ZHX3: variants seen among roughly 807,000 people sequenced by gnomAD.
ZHX3 encodes the protein zinc fingers and homeoboxes 3.
A neutral mutation model predicts 64.5 loss-of-function variants in ZHX3; 20 were observed. That is an observed-to-expected ratio of 0.31 (90% CI 0.22 to 0.45). The LOEUF is 0.45. Ranked by LOEUF, ZHX3 falls within the 20% of genes least tolerant of loss-of-function variation. The probability of loss-of-function intolerance (pLI) is 1.00; values close to 1 mark genes in which losing one functional copy is unlikely to be tolerated. For synonymous variants in ZHX3, 423 were observed against 461.6 expected, an observed-to-expected ratio of 0.92 and a Z score of 1.07; for missense variants, 1,041 against 1,195.8, an observed-to-expected ratio of 0.87 and a Z score of 1.91.
intron 1 of ZHX3, chr20:41,272,125 G>A (rs1430338523): frequency 6.6e-6 from 1 of 152,096 alleles, no homozygotes; most frequent in African/African-American, 2.4e-5. Context: ...ACCCACTCAA[G>A]GTAGAAGCTT....
chr20:41,272,863 C>T (rs1292060380), intron 1 of ZHX3, among the ~76,000 whole-genome samples: 1 of 152,080 alleles, frequency 6.6e-6, no homozygotes, highest in Non-Finnish European at 1.5e-5. Context: ...TTGTCTGATA[C>T]TTGTTTTCAA....
rs142401989 is a variant in ZHX3, at chr20:41,264,881, C to T, written c.-151+4109G>A. On this transcript the variant is annotated intron_variant, in intron 2 of 3. Coordinates refer to ENST00000683867, the MANE Select transcript of ZHX3 (RefSeq NM_001384317.1). ...AACATTCATTTGTTAAAATCTAACA[C>T]CTATTCTTAATTTTAAAATTCTAAA... 5.9e-5 allele frequency among the ~76,000 whole-genome samples: 9 copies of T among 152,234 alleles called. No individual in the cohort carries two copies. In the East Asian group the frequency reaches 1.5e-3, roughly 26 times the overall value.
At position 41,309,460 on chromosome 20, in the gene ZHX3, G is replaced by GT. The variant is rs1344234668; in HGVS notation, c.-245+8048dup. Among the ~76,000 whole-genome samples, 10 of 152,258 alleles carry GT rather than the reference G, an allele frequency of 6.6e-5. 1 individual carries two copies. The South Asian group carries it at 8.3e-4, about 13-fold the overall frequency. ...GGGCCCGGGATAGAGCCTGGAATCT[G>GT]TTTTTTTAACATACATCCTCATATG... On this transcript the variant is annotated intron_variant, in intron 1 of 3. Coordinates refer to ENST00000683867, the MANE Select transcript of ZHX3 (RefSeq NM_001384317.1).
At position 41,201,355 on chromosome 20, in the gene ZHX3, G is replaced by A; in HGVS notation, c.2860+702C>T. On this transcript the variant is annotated intron_variant, in intron 3 of 3. Coordinates refer to ENST00000683867, the MANE Select transcript of ZHX3 (RefSeq NM_001384317.1). This position sits in a 1 kb window ranked among gnomAD's most constrained non-coding sequence, Gnocchi z 5.0. Reference sequence around the variant, plus strand: ...AAATGTCAAAGGGTAAGGAGGGAAGGGAGAGGCTGGGAACTCAGTGACCAG... The same window carrying A: ...AAATGTCAAAGGGTAAGGAGGGAAGAGAGAGGCTGGGAACTCAGTGACCAG... The A allele has an allele frequency of 7.7e-7, 1 of 1,304,708 alleles. No individual in the cohort carries two copies. Among genetic ancestry groups the A allele is most frequent in the Non-Finnish European group, 1.0e-6 (1 of 989,062 alleles). 80.8% of individuals were successfully genotyped at this position (1,304,708 alleles called of 1,614,324 possible). A position where few individuals can be genotyped will look rare whatever the true frequency, so the allele number is the denominator to read the frequency against.
intron 1 of ZHX3, among the ~76,000 whole-genome samples, chr20:41,299,016 C>A (rs2044678084): frequency 6.6e-6 from 1 of 152,108 alleles, no homozygotes; most frequent in Admixed American, 6.6e-5. Context: ...ACTGGAAAAC[C>A]CTGTGGTCAC....
intron 1 of ZHX3, among the ~76,000 whole-genome samples, chr20:41,292,061 T>C (rs1600648003): frequency 1.3e-5 from 2 of 150,336 alleles, no homozygotes; most frequent in African/African-American, 4.9e-5. Context: ...CAATTACTAT[T>C]AATACATCCA....
chr20:41,253,670 C>T (rs1364011523), intron 2 of ZHX3, among the ~76,000 whole-genome samples: 1 of 152,018 alleles, frequency 6.6e-6, no homozygotes, highest in African/African-American at 2.4e-5. Flanking sequence ...TTTGTCAAAA[C>T]CAGGTCCATA....
intron 1 of ZHX3, among the ~76,000 whole-genome samples, chr20:41,310,686 T>C (rs924119896): frequency 2.0e-5 from 3 of 152,010 alleles, no homozygotes; most frequent in Non-Finnish European, 4.4e-5. Context: ...AGAGGTTTTT[T>C]TTTTTTTAAA....
chr20:41,265,329 A>C (rs1256487653), intron 2 of ZHX3, among the ~76,000 whole-genome samples: 2 of 151,686 alleles, frequency 1.3e-5, no homozygotes, highest in Non-Finnish European at 2.9e-5. Context: ...CAGCCTCCCG[A>C]ACAGCTGGGA....
rs1031198244 is a variant in ZHX3 at position 41,223,755 on chromosome 20, A to G, written c.-150-18689T>C. Among the ~76,000 whole-genome samples, 8 of 152,362 alleles carry G rather than the reference A, an allele frequency of 5.3e-5. 1 individual carries two copies. The South Asian group carries it at 6.2e-4, about 12-fold the overall frequency. On this transcript the variant is annotated intron_variant, in intron 2 of 3. Transcript: ENST00000683867. ...AAAAAGTTAAAAATTGAATAAATACATAAGTGGAAAAAATGTTAGCATATT... is the reference window on the plus strand; with the variant it reads ...AAAAAGTTAAAAATTGAATAAATACGTAAGTGGAAAAAATGTTAGCATATT...
At chr20:41,188,378 C>G (rs2036703108) in intron 3 of ZHX3, 1 of 148,256 alleles carries the variant, frequency 6.7e-6, no homozygotes, top group African/African-American at 2.5e-5. Context: ...ATTGTCTATT[C>G]ATGTCTTTTG....
intron 3 of ZHX3, among the ~76,000 whole-genome samples, chr20:41,187,301 G>A (rs1353639902): frequency 8.6e-6 from 1 of 115,816 alleles, no homozygotes; most frequent in African/African-American, 3.4e-5. Context: ...CTGCACTCCA[G>A]CAACAGAGCA....
At chr20:41,192,559 T>C (rs2037121884) in intron 3 of ZHX3, among the ~76,000 whole-genome samples, 1 of 152,222 alleles carries the variant, frequency 6.6e-6, no homozygotes, top group South Asian at 2.1e-4. Context: ...CTATGGTAGC[T>C]GGCACCATAG....
At chr20:41,272,002 A>G (rs181491712) in intron 1 of ZHX3, 2 of 152,314 alleles carry the variant, frequency 1.3e-5, no homozygotes, top group Admixed American at 6.5e-5. Context: ...AAATTTTCAT[A>G]AAACCAAAAA....
Position 41,203,905 on chromosome 20 carries a change from T to C in ZHX3, c.1012A>G (p.Thr338Ala). 1 of 1,614,190 alleles carries C rather than the reference T, an allele frequency of 6.2e-7. No individual in the cohort carries two copies. The highest frequency in any genetic ancestry group is 8.5e-7 in the Non-Finnish European group (1 of 1,180,022). Residue 338 changes from threonine to alanine, a missense_variant, in exon 3 of 4, where the codon ACT becomes GCT. Coordinates refer to ENST00000683867, the MANE Select transcript of ZHX3 (RefSeq NM_001384317.1). This position sits in a 1 kb window ranked among gnomAD's most constrained non-coding sequence, Gnocchi z 7.1. ...TCTTCTGGATACTTGGTCACCACAG[T>C]CAAATAGCAGAGCTCGGCTTTGGTG... ...YPTKAELCYL[T>A]VVTKYPEEQL...
intron 1 of ZHX3, among the ~76,000 whole-genome samples, chr20:41,312,814 C>T (rs553377381): frequency 5.3e-5 from 8 of 152,210 alleles, no homozygotes; most frequent in African/African-American, 1.2e-4. Flanking sequence ...AGAGGGAGCA[C>T]GTCAGAGTAA....
intron 1 of ZHX3, among the ~76,000 whole-genome samples, chr20:41,282,003 T>A (rs1416506630): frequency 6.6e-6 from 1 of 152,108 alleles, no homozygotes; most frequent in Admixed American, 6.5e-5. Flanking sequence ...GTGTTACAGG[T>A]AGAATCGGTA....
intron 1 of ZHX3, chr20:41,272,032 G>C (rs952413552): frequency 3.3e-5 from 5 of 151,992 alleles, no homozygotes; most frequent in African/African-American, 1.2e-4. Context: ...TCTCCAAATA[G>C]TTATTTTAAA....
chr20:41,265,078 C>G (rs1600559036), intron 2 of ZHX3, among the ~76,000 whole-genome samples: 1 of 151,460 alleles, frequency 6.6e-6, no homozygotes, highest in African/African-American at 2.4e-5. Context: ...CAACAAAAAG[C>G]AACATAAAAA....
Sources: gnomAD v4.1 joint callset for allele counts (sites outside exome capture counted in the v4.1 genomes callset) on GRCh38, gnomAD v4.1.1 for gene constraint, Gnocchi (gnomAD v3.1) non-coding constraint, MANE v1.5 for transcripts, NCBI Gene and HGNC (gene_info 2026-07-23, HGNC 2026-07-21) for gene names.